The following NAV3 variants were observed in gnomAD, a reference collection of about 807,000 sequenced individuals.
NAV3 encodes pore membrane and/or filament interacting like protein 1.
A neutral mutation model predicts 244.7 loss-of-function variants in NAV3; 87 were observed. The ratio of observed to expected loss-of-function variants is 0.36; its 90% CI spans 0.30 to 0.42. The LOEUF (loss-of-function observed/expected upper bound fraction) is 0.42, where lower values mean the gene tolerates loss of function less well. NAV3 is among the 20% of genes least tolerant of loss of function. NAV3 has a pLI of 1.00. For synonymous variants in NAV3, 1,126 were observed against 1,042.2 expected, an observed-to-expected ratio of 1.08 and a Z score of -1.55; for missense variants, 2,663 against 2,893.3, an observed-to-expected ratio of 0.92 and a Z score of 1.83.
At chr12:77,597,617 G>A (rs1165499339) in intron 2 of NAV3, among the ~76,000 whole-genome samples, 2 of 152,026 alleles carry the variant, frequency 1.3e-5, no homozygotes, top group African/African-American at 4.8e-5. Context: ...ACCAAATATT[G>A]GGTGTTGGGC....
chr12:78,205,156 AT>A lies in NAV3; in HGVS notation c.7038+21del, dbSNP rs750911011. On this transcript the variant is annotated intron_variant, in intron 39 of 39. Coordinates refer to ENST00000397909, the MANE Select transcript of NAV3 (RefSeq NM_001024383.2). ...ATCCCCTGGTAAGAATCAGATGTTC[AT>A]TTCTTCCTATGTAATCTTGACTACA... The A allele has an allele frequency of 6.2e-7, 1 of 1,606,844 alleles. No homozygotes were observed. The highest frequency in any genetic ancestry group is 1.1e-5 in the South Asian group (1 of 90,328).
chr12:77,817,133 T>C (rs1430352584), intron 2 of NAV3, among the ~76,000 whole-genome samples: 1 of 152,210 alleles, frequency 6.6e-6, no homozygotes, highest in Non-Finnish European at 1.5e-5. Flanking sequence ...ACTTACTGCA[T>C]ACACTTTGGT....
intron 2 of NAV3, among the ~76,000 whole-genome samples, chr12:77,733,704 G>A (rs1348884414): frequency 6.6e-6 from 1 of 151,968 alleles, no homozygotes; most frequent in Non-Finnish European, 1.5e-5. Context: ...ATTTCTGAGG[G>A]AAACCAACAA....
intron 1 of NAV3, among the ~76,000 whole-genome samples, chr12:77,832,562 T>C (rs1873904278): frequency 1.3e-5 from 2 of 152,236 alleles, no homozygotes; most frequent in Non-Finnish European, 2.9e-5. Context: ...AGGCATACAA[T>C]GTGTAATAAT....
At position 78,006,823 on chromosome 12, in the gene NAV3, G is replaced by T. The variant is rs200010458; in HGVS notation, c.1285G>T (p.Gly429Cys). Residue 429 changes from glycine (G) to cysteine (C), a missense_variant, in exon 8 of 40, where the codon GGT becomes TGT. Gly to Cys is a radical substitution (Grantham distance 159). Around this residue, in one of 6 missense-constraint regions of NAV3, gnomAD observed 1,521 missense variants for 1,497.0 expected, o/e 1.02. Transcript: ENST00000397909. ...TGGTGAAATGGAAGGTTTTAACAGT[G>T]GTCTGAATAGTGGTGGCTCAACAAA... is the stretch of plus-strand genomic sequence containing the variant. ...ESGEMEGFNS[G>C]LNSGGSTNSS... 8.0e-5 allele frequency: 129 copies of T among 1,614,110 alleles called. 1 individual carries two copies. In the African/African-American group the frequency reaches 1.6e-3, roughly 20 times the overall value.
intron 1 of NAV3, among the ~76,000 whole-genome samples, chr12:77,840,753 T>C (rs992755915): frequency 6.6e-6 from 1 of 152,200 alleles, no homozygotes; most frequent in Non-Finnish European, 1.5e-5. Context: ...CCGTAGCAAC[T>C]GATCTCAGAG....
At chr12:77,730,806 A>G (rs1201301907) in intron 2 of NAV3, among the ~76,000 whole-genome samples, 2 of 151,502 alleles carry the variant, frequency 1.3e-5, no homozygotes, top group Non-Finnish European at 3.0e-5. Context: ...AAAAGCACAT[A>G]ATCATGACAT....
chr12:78,185,199 A>G (rs764677989), intron 30 of NAV3, among the ~76,000 whole-genome samples: 4 of 151,868 alleles, frequency 2.6e-5, no homozygotes, highest in Non-Finnish European at 5.9e-5. Flanking sequence ...CTTTACATTT[A>G]TAAATTACAT....
At chr12:77,746,019 T>C (rs956343949) in intron 2 of NAV3, among the ~76,000 whole-genome samples, 3 of 148,710 alleles carry the variant, frequency 2.0e-5, no homozygotes, top group African/African-American at 7.4e-5. Context: ...AACATGTCTA[T>C]CCTATAATCC....
In NAV3 at chr12:77,978,859, C is replaced by T. The variant is rs144114837; in HGVS notation, c.671+10157C>T. Among the ~76,000 whole-genome samples, 1,368 of 151,868 alleles carry T rather than the reference C, an allele frequency of 9.0e-3. 16 individuals are homozygous for T. Among genetic ancestry groups the T allele is most frequent in the African/African-American group, 0.026 (1,091 of 41,414 alleles). On this transcript the variant is annotated intron_variant, in intron 5 of 39. Coordinates refer to ENST00000397909, the MANE Select transcript of NAV3 (RefSeq NM_001024383.2). The stretch of plus-strand genomic sequence containing the variant: ...TCTAATAAGATATAAAACAAAATAA[C>T]GATTGACTGTATTCATTACAATTTT...
chr12:77,729,234 G>A (rs1877017070), intron 2 of NAV3, among the ~76,000 whole-genome samples: 1 of 151,962 alleles, frequency 6.6e-6, no homozygotes, highest in South Asian at 2.1e-4. Context: ...GTATATTGAT[G>A]TGAAGAGAGA....
chr12:78,061,260 T>C (rs1448753), intron 12 of NAV3, among the ~76,000 whole-genome samples: 14,940 of 152,232 alleles, frequency 0.098, 908 homozygotes, highest in South Asian at 0.2. Flanking sequence ...GGCCTATAAA[T>C]ACATGTAACG....
intron 11 of NAV3, among the ~76,000 whole-genome samples, chr12:78,053,936 A>G (rs1431342166): frequency 6.6e-6 from 1 of 152,206 alleles, no homozygotes; most frequent in Non-Finnish European, 1.5e-5. Flanking sequence ...GATGATTGAC[A>G]ATATATACTC....
intron 9 of NAV3, among the ~76,000 whole-genome samples, chr12:78,048,109 C>A (rs1882141895): frequency 6.6e-6 from 1 of 152,132 alleles, no homozygotes; most frequent in African/African-American, 2.4e-5. Context: ...GTTAATAATT[C>A]CTCTAACCTT....
chr12:78,191,285 G>A (rs1268519555), intron 34 of NAV3, among the ~76,000 whole-genome samples: 2 of 152,118 alleles, frequency 1.3e-5, no homozygotes, highest in Non-Finnish European at 2.9e-5. Context: ...GTGTGTATAT[G>A]CATGTGTGTG....
At chr12:77,975,223 C>T (rs987105375) in intron 5 of NAV3, among the ~76,000 whole-genome samples, 1 of 152,078 alleles carries the variant, frequency 6.6e-6, no homozygotes, top group Non-Finnish European at 1.5e-5. Flanking sequence ...TGACCATTTT[C>T]ATTGGATTCA....
intron 1 of NAV3, among the ~76,000 whole-genome samples, chr12:77,883,017 A>G (rs575015166): frequency 3.9e-5 from 6 of 152,184 alleles, no homozygotes; most frequent in Non-Finnish European, 8.8e-5. Flanking sequence ...CTCTGTGGAA[A>G]GCAGTTTGGA....
intron 2 of NAV3, among the ~76,000 whole-genome samples, chr12:77,723,033 A>G (rs1045333825): frequency 6.6e-6 from 1 of 151,900 alleles, no homozygotes; most frequent in African/African-American, 2.4e-5. Flanking sequence ...AATTTTTGCA[A>G]GTTTTTTTTG....
chr12:77,655,928 G>T (rs1873076877), intron 2 of NAV3, among the ~76,000 whole-genome samples: 2 of 143,844 alleles, frequency 1.4e-5, no homozygotes, highest in South Asian at 4.3e-4. Flanking sequence ...GTCACCACCA[G>T]GCCTGCCCTA....
Sources: gnomAD v4.1 joint callset for allele counts (sites outside exome capture counted in the v4.1 genomes callset) on GRCh38, gnomAD v4.1.1 for gene constraint, gnomAD v4.1.1 regional missense constraint, MANE v1.5 for transcripts, NCBI Gene and HGNC (gene_info 2026-07-23, HGNC 2026-07-21) for gene names.